Variants in PGM2L1 observed in about 807,000 individuals in gnomAD.
The protein encoded by PGM2L1 is phosphoglucomutase 2 like 1, also known as glucose 1,6-bisphosphate synthase.
PGM2L1 carries 35 observed loss-of-function variants against 73.4 expected under a neutral mutation model. The observed-to-expected ratio is 0.48, with a 90% CI of 0.36 to 0.63. PGM2L1 has a LOEUF of 0.63. Among genes scored for constraint, PGM2L1 ranks in the 30% least tolerant of loss-of-function variants. The pLI is 0.00. For synonymous variants in PGM2L1, 225 were observed against 253.8 expected (o/e 0.89, Z 1.08); for missense variants, 570 against 742.0 (o/e 0.77, Z 2.69).
At chr11:74,371,200 T>C (rs947360878) in intron 3 of PGM2L1, among the ~76,000 whole-genome samples, 4 of 152,204 alleles carry the variant, frequency 2.6e-5, no homozygotes, top group Non-Finnish European at 5.9e-5. Flanking sequence ...ACTAACATAA[T>C]TGATATTTCA....
In PGM2L1 at chr11:74,373,532, T is replaced by A. The variant is rs150193897; in HGVS notation, c.279+883A>T. ...ATTATTGGCCTCAAAAGTATAGTTA[T>A]TTGAAACAGGATGATTCACTGCAAA... On this transcript the variant is annotated intron_variant, in intron 2 of 13. Coordinates refer to ENST00000298198, the MANE Select transcript of PGM2L1 (RefSeq NM_173582.6). Among the ~76,000 whole-genome samples the A allele has an allele frequency of 3.1e-3, 475 of 152,328 alleles. 4 individuals are homozygous for A. The highest frequency in any genetic ancestry group is 0.011 in the African/African-American group (452 of 41,572).
intron 1 of PGM2L1, among the ~76,000 whole-genome samples, chr11:74,386,311 A>G (rs1347722045): frequency 6.6e-6 from 1 of 152,130 alleles, no homozygotes; most frequent in African/African-American, 2.4e-5. Flanking sequence ...AATTAAAGCT[A>G]AAATAAAATA....
In PGM2L1 at chr11:74,342,237, C is replaced by T. The variant is rs375608958; in HGVS notation, c.1632+224G>A. Among the ~76,000 whole-genome samples the T allele has an allele frequency of 9.9e-5, 15 of 152,154 alleles. 1 individual carries two copies. Among genetic ancestry groups the T allele is most frequent in the Admixed American group, 2.6e-4 (4 of 15,280 alleles). On this transcript the variant is annotated intron_variant, in intron 12 of 13. Transcript: ENST00000298198. ...TTACAGGAGCTTCCAGCTTGGTAAA[C>T]ACGTGGACTTGCTGGGAGGCTCCAG... is the stretch of plus-strand genomic sequence containing the variant.
rs143080734 is a variant in PGM2L1, at chr11:74,346,757, G to A, written c.1012C>T (p.Leu338=). 2.2e-3 allele frequency: 3,486 copies of A among 1,613,904 alleles called. 4 individuals carry two copies. Among genetic ancestry groups the A allele is most frequent in the Non-Finnish European group, 2.7e-3 (3,183 of 1,179,830 alleles). Residue 338 remains leucine, a synonymous_variant, in exon 8 of 14, where the codon CTG becomes TTG. Transcript: ENST00000298198. ...VLATDPDADR[L]AAAELQENGC... ...TTCTCCTGAAGTTCTGCTGCTGCCA[G>A]TCTGTCTGCATCAGGATCTGTGGCT...
At chr11:74,344,665 G>T (rs1164723433) in intron 9 of PGM2L1, among the ~76,000 whole-genome samples, 1 of 152,074 alleles carries the variant, frequency 6.6e-6, no homozygotes, top group East Asian at 1.9e-4. Flanking sequence ...CTTTAGAATT[G>T]TTCTTCTTTC....
rs1261531504 is a variant in PGM2L1, at chr11:74,330,423, T to C, written c.*6229A>G. 1 of 152,668 alleles carries C rather than the reference T, an allele frequency of 6.6e-6. No individual in the cohort carries two copies. The highest frequency in any genetic ancestry group is 2.4e-5 in the African/African-American group (1 of 41,462). 9.5% of individuals were successfully genotyped at this position (152,668 alleles called of 1,614,324 possible). A position where few individuals can be genotyped will look rare whatever the true frequency, so the allele number is the denominator to read the frequency against. On this transcript the variant is annotated 3_prime_UTR_variant, in exon 14 of 14. Transcript: ENST00000298198. ...AAATTCTCACAGGCAGTACTTATAA[T>C]ACACCCTGGTGTTTTTGTAGGGAAA...
chr11:74,393,138 T>C (rs1565447435), intron 1 of PGM2L1, among the ~76,000 whole-genome samples: 1 of 152,168 alleles, frequency 6.6e-6, no homozygotes. Flanking sequence ...GTTGAAACAC[T>C]ACAAAAATAA....
chr11:74,337,409 C>T (rs185324088), intron 13 of PGM2L1, among the ~76,000 whole-genome samples: 442 of 152,266 alleles, frequency 2.9e-3, no homozygotes, highest in Non-Finnish European at 3.4e-3. Flanking sequence ...TGAATGACTT[C>T]GGGGGCTCTT....
chr11:74,374,625 G>T, intron 1 of PGM2L1, 43 bp from the exon 2 acceptor site: 2 of 1,566,558 alleles, frequency 1.3e-6, no homozygotes, highest in Non-Finnish European at 1.7e-6. Flanking sequence ...AATCCAAGCA[G>T]AGTCCTAATA....
Position 74,334,981 on chromosome 11 carries a change from T to C in PGM2L1, c.*1671A>G, listed in dbSNP as rs1389728669. 1 of 151,462 alleles carries C rather than the reference T, an allele frequency of 6.6e-6. No individual in the cohort carries two copies. The highest frequency in any genetic ancestry group is 1.5e-5 in the Non-Finnish European group (1 of 67,870). 9.4% of individuals were successfully genotyped at this position (151,462 alleles called of 1,614,324 possible). A position where few individuals can be genotyped will look rare whatever the true frequency, so the allele number is the denominator to read the frequency against. Reference sequence around the variant, plus strand: ...CAGTGCGGCAGTGTGATCATAGTTCTGTAACTTAAACTCCTGGCCTCAAGC... The same window carrying C: ...CAGTGCGGCAGTGTGATCATAGTTCCGTAACTTAAACTCCTGGCCTCAAGC... On this transcript the variant is annotated 3_prime_UTR_variant, in exon 14 of 14. Transcript: ENST00000298198.
At position 74,374,500 on chromosome 11, in the gene PGM2L1, A is replaced by C; in HGVS notation, c.194T>G (p.Met65Arg). Residue 65 changes from methionine to arginine, a missense_variant, in exon 2 of 14, where the codon ATG becomes AGG. Met to Arg is a moderately conservative substitution (Grantham distance 91). Coordinates refer to ENST00000298198, the MANE Select transcript of PGM2L1 (RefSeq NM_173582.6). Reference protein sequence around the residue: ...KELRDRLCCRMTFGTAGLRSA... With the variant: ...KELRDRLCCRRTFGTAGLRSA... ...ACGAAGTCCTGCAGTCCCAAAAGTC[A>C]TTCGGCAACAAAGACGATCTCGCAG... 6.2e-7 allele frequency: 1 copy of C among 1,614,162 alleles called. No individual in the cohort carries two copies. The highest frequency in any genetic ancestry group is 8.5e-7 in the Non-Finnish European group (1 of 1,179,976).
intron 5 of PGM2L1, chr11:74,354,462 C>CT: frequency 2.3e-6 from 2 of 878,264 alleles, no homozygotes; most frequent in African/African-American, 1.6e-5. Context: ...TCAGAGTCTC[C>CT]TAAAGAGCCT....
chr11:74,357,374 A>T (rs1269011058), intron 5 of PGM2L1, among the ~76,000 whole-genome samples: 1 of 152,252 alleles, frequency 6.6e-6, no homozygotes, highest in Admixed American at 6.5e-5. Context: ...AAAAAGCAAA[A>T]CAGACACTTC....
chr11:74,371,698 AT>A lies in PGM2L1; in HGVS notation c.386+12del. The A allele has an allele frequency of 6.2e-7, 1 of 1,601,708 alleles. No homozygotes were observed. The highest frequency in any genetic ancestry group is 8.6e-7 in the Non-Finnish European group (1 of 1,168,816). Reference sequence around the variant, plus strand: ...CTATTTCAACTTAATCTTTGAAACAATTAACTTTGTACCTCTGGCTGCTGCA... The same window carrying A: ...CTATTTCAACTTAATCTTTGAAACAATAACTTTGTACCTCTGGCTGCTGCA... On this transcript the variant is annotated intron_variant, in intron 3 of 13. Coordinates refer to ENST00000298198, the MANE Select transcript of PGM2L1 (RefSeq NM_173582.6).
rs1252575453 is a variant in PGM2L1, at chr11:74,351,309, T to G, written c.749+74A>C. On this transcript the variant is annotated intron_variant, in intron 6 of 13. Coordinates refer to ENST00000298198, the MANE Select transcript of PGM2L1 (RefSeq NM_173582.6). The stretch of plus-strand genomic sequence containing the variant: ...TTAATCTAATAAATAGACAACACTT[T>G]TTATCACTTTTTATTCTCCTCATTC... 9.8e-5 allele frequency: 134 copies of G among 1,371,566 alleles called. No individual in the cohort carries two copies. The East Asian group carries it at 3.0e-3, about 31-fold the overall frequency. The allele number at this position is 1,371,566 out of a possible 1,614,324, so 85.0% of individuals were successfully genotyped here. A position where few individuals can be genotyped will look rare whatever the true frequency, so the allele number is the denominator to read the frequency against.
Position 74,336,720 on chromosome 11 carries a change from G to A in PGM2L1, c.1801C>T (p.Leu601Phe). Reference protein sequence around the residue: ...TALLEEELKKLIDALIENFLQ... With the variant: ...TALLEEELKKFIDALIENFLQ... Reference sequence around the variant, plus strand: ...AAATTCTCTATCAGAGCATCAATGAGTTTCTTCAGTTCTTCCTCCAGTAAA... The same window carrying A: ...AAATTCTCTATCAGAGCATCAATGAATTTCTTCAGTTCTTCCTCCAGTAAA... The change falls in exon 14 of 14, where the codon CTC becomes TTC. Residue 601 changes from leucine (L) to phenylalanine (F), a missense_variant. Coordinates refer to ENST00000298198, the MANE Select transcript of PGM2L1 (RefSeq NM_173582.6). 1 of 1,612,466 alleles carries A rather than the reference G, an allele frequency of 6.2e-7. No individual in the cohort carries two copies. The highest frequency in any genetic ancestry group is 8.5e-7 in the Non-Finnish European group (1 of 1,178,912).
intron 1 of PGM2L1, among the ~76,000 whole-genome samples, chr11:74,382,102 G>T (rs1232627228): frequency 2.6e-5 from 4 of 152,120 alleles, no homozygotes; most frequent in Non-Finnish European, 5.9e-5. Flanking sequence ...TTTTTAAAAT[G>T]AATAAGCCTA....
chr11:74,360,758 G>A (rs1010113217), intron 5 of PGM2L1, among the ~76,000 whole-genome samples: 4 of 152,168 alleles, frequency 2.6e-5, no homozygotes, highest in East Asian at 1.9e-4. Context: ...ATTATATCCC[G>A]AGCCTGGCTC....
chr11:74,385,732 G>A (rs1330455856), intron 1 of PGM2L1, among the ~76,000 whole-genome samples: 1 of 151,816 alleles, frequency 6.6e-6, no homozygotes, highest in East Asian at 1.9e-4. Flanking sequence ...CTACCAACAG[G>A]AGAACCCTGC....
Sources: gnomAD v4.1 joint callset for allele counts (sites outside exome capture counted in the v4.1 genomes callset) on GRCh38, gnomAD v4.1.1 for gene constraint, MANE v1.5 for transcripts, NCBI Gene and HGNC (gene_info 2026-07-23, HGNC 2026-07-21) for gene names.